DUSP13B: variants seen among roughly 807,000 people sequenced by gnomAD.
The protein encoded by DUSP13B is dual specificity protein phosphatase 13B.
the DUSP13B span, among the ~76,000 whole-genome samples, chr10:75,102,953 C>CA: frequency 2.0e-5 from 3 of 151,368 alleles, no homozygotes; most frequent in African/African-American, 4.9e-5. Context: ...ACTCCGTCTC[C>CA]AAAAAAAACA....
At chr10:75,101,799 T>A in the DUSP13B span, 41 of 774,006 alleles carry the variant, frequency 5.3e-5, no homozygotes, top group Non-Finnish European at 8.2e-5. Context: ...ACAAGTGTCC[T>A]GGCCCTCATT....
the DUSP13B span, chr10:75,108,877 G>A: frequency 8.1e-7 from 1 of 1,228,836 alleles, no homozygotes. Context: ...GGGTCCTGGA[G>A]AAGGTCCCTG....
At chr10:75,108,802 C>A in the DUSP13B span, among the ~76,000 whole-genome samples, 1 of 152,200 alleles carries the variant, frequency 6.6e-6, no homozygotes, top group African/African-American at 2.4e-5. Context: ...TGCTTTCAGG[C>A]AGGCGAAGTC....
At chr10:75,100,995 A>G in the DUSP13B span, among the ~76,000 whole-genome samples, 1 of 152,212 alleles carries the variant, frequency 6.6e-6, no homozygotes, top group Admixed American at 6.5e-5. Context: ...CTTCCTGCCC[A>G]TCCTTTCTGA....
At chr10:75,104,128 C>T in the DUSP13B span, 1 of 1,310,072 alleles carries the variant, frequency 7.6e-7, no homozygotes, top group Non-Finnish European at 1.0e-6. Flanking sequence ...GTGTTACAGG[C>T]AGGTGAACCA....
At chr10:75,099,586 G>A in the DUSP13B span, 2 of 1,227,126 alleles carry the variant, frequency 1.6e-6, no homozygotes, top group Non-Finnish European at 2.0e-6. Context: ...GGTGGGGCCT[G>A]AGAGCCGACT....
the DUSP13B span, among the ~76,000 whole-genome samples, chr10:75,106,301 C>A: frequency 4.6e-5 from 7 of 151,860 alleles, no homozygotes; most frequent in Non-Finnish European, 8.8e-5. Context: ...GATTGTCCCT[C>A]CCCCACCTTC....
the DUSP13B span, chr10:75,095,028 G>C: frequency 1.3e-6 from 1 of 748,874 alleles, no homozygotes; most frequent in South Asian, 1.9e-5. Context: ...CCCAAAGAGA[G>C]GAGGCTGGCT....
chr10:75,102,361 T>C, the DUSP13B span, among the ~76,000 whole-genome samples: 1 of 151,830 alleles, frequency 6.6e-6, no homozygotes, highest in African/African-American at 2.4e-5. Flanking sequence ...GAGAATGGCG[T>C]GAACCCGGGA....
the DUSP13B span, among the ~76,000 whole-genome samples, chr10:75,098,498 A>G: frequency 6.6e-6 from 1 of 152,200 alleles, no homozygotes; most frequent in African/African-American, 2.4e-5. Context: ...ACGGTGGCTC[A>G]CACTTGTAAT....
At chr10:75,094,689 G>A in the DUSP13B span, 254 of 1,613,828 alleles carry the variant, frequency 1.6e-4, no homozygotes, top group African/African-American at 4.0e-4. Flanking sequence ...GAACCGCCCC[G>A]TCTCCCGCCC....
chr10:75,099,268 G>A, the DUSP13B span: 2 of 1,232,282 alleles, frequency 1.6e-6, no homozygotes, highest in Non-Finnish European at 2.0e-6. Flanking sequence ...CCTTTGGTAG[G>A]CAGTGCCAGG....
chr10:75,099,552 G>A, the DUSP13B span: 26 of 1,230,868 alleles, frequency 2.1e-5, no homozygotes, highest in African/African-American at 3.1e-4. Flanking sequence ...AGAATTCCAG[G>A]TGCTGGCTGG....
chr10:75,104,636 G>GC, the DUSP13B span, among the ~76,000 whole-genome samples: 34 of 152,108 alleles, frequency 2.2e-4, no homozygotes, highest in African/African-American at 8.0e-4. Flanking sequence ...TGGGAAACAT[G>GC]CCCCCTTCAG....
At chr10:75,107,840 G>T in the DUSP13B span, among the ~76,000 whole-genome samples, 2 of 152,198 alleles carry the variant, frequency 1.3e-5, no homozygotes. Flanking sequence ...GCCTCCCAAA[G>T]TGCTAGGATT....
the DUSP13B span, chr10:75,105,921 G>A: frequency 1.1e-5 from 17 of 1,504,422 alleles, no homozygotes; most frequent in African/African-American, 8.3e-5. Flanking sequence ...GCCCACCCAC[G>A]GGCTGGGATG....
chr10:75,099,120 C>T, the DUSP13B span: 5 of 1,232,156 alleles, frequency 4.1e-6, no homozygotes, highest in East Asian at 1.3e-4. Context: ...AGTCAGGGAC[C>T]CTGCGGAGCT....
chr10:75,095,809 C>T, the DUSP13B span: 9 of 1,613,092 alleles, frequency 5.6e-6, no homozygotes, highest in Non-Finnish European at 7.6e-6. Context: ...GAGGAGAGGG[C>T]ACAAGGGGTT....
At chr10:75,105,362 A>G in the DUSP13B span, among the ~76,000 whole-genome samples, 1 of 151,800 alleles carries the variant, frequency 6.6e-6, no homozygotes, top group African/African-American at 2.4e-5. Context: ...TGCTTTCCAC[A>G]CCCTCGCATC....
Sources: gnomAD v4.1 joint callset for allele counts (sites outside exome capture counted in the v4.1 genomes callset) on GRCh38, gnomAD v4.1.1 for gene constraint, MANE v1.5 for transcripts, NCBI Gene and HGNC (gene_info 2026-07-23, HGNC 2026-07-21) for gene names.